CRTC1: variants seen among roughly 807,000 people sequenced by gnomAD.
CRTC1 encodes CREB-regulated transcription coactivator 1.
Under a neutral mutation model 66.1 loss-of-function variants are expected in CRTC1, and 18 were observed. The observed-to-expected ratio is 0.27, with a 90% CI of 0.19 to 0.40. The LOEUF is 0.40. Among genes scored for constraint, CRTC1 ranks in the 10% least tolerant of loss-of-function variants. The pLI is 1.00. For synonymous variants in CRTC1, 416 were observed against 398.8 expected (o/e 1.04, Z -0.51); for missense variants, 669 against 887.9 (o/e 0.75, Z 3.13).
chr19:18,691,522 C>CAAAA (rs60633222), intron 1 of CRTC1, among the ~76,000 whole-genome samples: 6 of 72,660 alleles, frequency 8.3e-5, no homozygotes, highest in East Asian at 4.0e-4. Context: ...CCCTTTTCTC[C>CAAAA]AAAAAAAAAA....
At chr19:18,706,131 G>C (rs1452588878) in intron 1 of CRTC1, among the ~76,000 whole-genome samples, 1 of 125,122 alleles carries the variant, frequency 8.0e-6, no homozygotes, top group Non-Finnish European at 1.6e-5. Flanking sequence ...AAAATCACTT[G>C]ACCATATATG....
intron 5 of CRTC1, among the ~76,000 whole-genome samples, chr19:18,751,788 G>C (rs1166021422): frequency 6.6e-6 from 1 of 152,092 alleles, no homozygotes; most frequent in East Asian, 1.9e-4. Context: ...TGGTGCCGGG[G>C]GCTCAATAAA....
chr19:18,715,124 TC>T (rs2053476875), intron 1 of CRTC1, among the ~76,000 whole-genome samples: 1 of 152,254 alleles, frequency 6.6e-6, no homozygotes, highest in Non-Finnish European at 1.5e-5. Context: ...GGCGGATCCC[TC>T]CTGCCTCTGG....
intron 1 of CRTC1, among the ~76,000 whole-genome samples, chr19:18,738,929 G>T (rs2145712131): frequency 6.6e-6 from 1 of 152,362 alleles, no homozygotes; most frequent in East Asian, 1.9e-4. Context: ...TGAGGGGTCA[G>T]TGGGGAAAGG....
intron 1 of CRTC1, among the ~76,000 whole-genome samples, chr19:18,685,358 A>G (rs1247445569): frequency 1.3e-5 from 2 of 150,458 alleles, no homozygotes; most frequent in African/African-American, 4.9e-5. Context: ...TGAATGAATG[A>G]AAAAAAAATA....
At chr19:18,692,075 C>T (rs1053262384) in intron 1 of CRTC1, among the ~76,000 whole-genome samples, 12 of 152,150 alleles carry the variant, frequency 7.9e-5, no homozygotes, top group African/African-American at 2.4e-4. Flanking sequence ...CACTCCAACC[C>T]CGACCCTGTG....
intron 9 of CRTC1, among the ~76,000 whole-genome samples, chr19:18,766,303 T>A (rs867524036): frequency 1.4e-4 from 21 of 148,130 alleles, no homozygotes; most frequent in African/African-American, 5.3e-4. Context: ...TTTTTTTTTT[T>A]TTTTTTGGTA....
At chr19:18,763,813 G>A (rs996359179) in intron 8 of CRTC1, among the ~76,000 whole-genome samples, 2 of 152,110 alleles carry the variant, frequency 1.3e-5, no homozygotes, top group African/African-American at 2.4e-5. Context: ...TACCGAGCCC[G>A]ACCTCTGCTT....
rs772435081 is a variant in CRTC1 at position 18,768,935 on chromosome 19, G to A, written c.1320+142G>A. 2.7e-5 allele frequency: 29 copies of A among 1,070,224 alleles called. No individual in the cohort carries two copies. The African/African-American group carries it at 3.0e-4, about 11-fold the overall frequency. The allele number at this position is 1,070,224 out of a possible 1,614,324, so 66.3% of individuals were successfully genotyped here. ...ACGCTGCCTGGGCCCACCTCTCCACGGGGCTACCCCTTGGAATCAAACTGA... is the reference window on the plus strand; with the variant it reads ...ACGCTGCCTGGGCCCACCTCTCCACAGGGCTACCCCTTGGAATCAAACTGA... On this transcript the variant is annotated intron_variant, in intron 10 of 13. Transcript: ENST00000321949. The surrounding 1 kb of genome is among the most constrained non-coding windows in gnomAD (Gnocchi z 5.6).
chr19:18,711,886 A>G (rs2053400956), intron 1 of CRTC1, among the ~76,000 whole-genome samples: 1 of 152,210 alleles, frequency 6.6e-6, no homozygotes, highest in Non-Finnish European at 1.5e-5. Flanking sequence ...AACCTTGGGT[A>G]TACTTTTTAT....
At chr19:18,759,955 CG>C in intron 7 of CRTC1, 52 bp from the exon 8 acceptor site, 1 of 1,410,136 alleles carries the variant, frequency 7.1e-7, no homozygotes, top group Non-Finnish European at 9.7e-7. Context: ...CTGTCCCCGC[CG>C]CCAGCCCCGC....
At chr19:18,724,093 G>T (rs1279481128) in intron 1 of CRTC1, among the ~76,000 whole-genome samples, 3 of 152,192 alleles carry the variant, frequency 2.0e-5, no homozygotes, top group African/African-American at 7.2e-5. Flanking sequence ...GACACCGTGA[G>T]CCCAGGCTTG....
At chr19:18,699,402 T>C (rs2053077181) in intron 1 of CRTC1, among the ~76,000 whole-genome samples, 1 of 152,190 alleles carries the variant, frequency 6.6e-6, no homozygotes, top group Admixed American at 6.5e-5. Context: ...CACAGTGTGT[T>C]CCAGGGTCAA....
At chr19:18,707,602 G>A (rs1474139573) in intron 1 of CRTC1, among the ~76,000 whole-genome samples, 1 of 151,134 alleles carries the variant, frequency 6.6e-6, no homozygotes, top group African/African-American at 2.4e-5. Flanking sequence ...ATCCCATATG[G>A]ATTTTAGGGT....
rs773341719 is a variant in CRTC1 at position 18,768,456 on chromosome 19, G to A, written c.1012-29G>A. The A allele has an allele frequency of 7.5e-6, 12 of 1,597,902 alleles. No homozygotes were observed. Among genetic ancestry groups the A allele is most frequent in the South Asian group, 5.5e-5 (5 of 90,360 alleles). ...GGCCAGGCGCTGACAACCAGGGCCC[G>A]CCCTGCCTGACGCTCTCCTCTCCTG... On this transcript the variant is annotated intron_variant, in intron 9 of 13. Coordinates refer to ENST00000321949, the MANE Select transcript of CRTC1 (RefSeq NM_015321.3). The surrounding 1 kb of genome is among the most constrained non-coding windows in gnomAD (Gnocchi z 5.6).
intron 6 of CRTC1, among the ~76,000 whole-genome samples, chr19:18,758,062 T>G (rs1013460267): frequency 6.8e-6 from 1 of 148,016 alleles, no homozygotes; most frequent in Non-Finnish European, 1.5e-5. Context: ...AATTAAACAT[T>G]TTTTTAAAAG....
At position 18,774,198 on chromosome 19, in the gene CRTC1, C is replaced by T. The variant is rs78980788; in HGVS notation, c.1426-702C>T. On this transcript the variant is annotated intron_variant, in intron 11 of 13. Coordinates refer to ENST00000321949, the MANE Select transcript of CRTC1 (RefSeq NM_015321.3). ...TCGCCTCCACACCCCAGCCAGACCT[C>T]ATCCCACCATCTCTTGGGGAGGGGC... is the stretch of plus-strand genomic sequence containing the variant. Among the ~76,000 whole-genome samples the T allele has an allele frequency of 1.0e-3, 159 of 152,336 alleles. 2 individuals are homozygous for T. In the East Asian group the frequency reaches 0.03, roughly 28 times the overall value.
intron 1 of CRTC1, among the ~76,000 whole-genome samples, chr19:18,718,642 CT>C (rs1481520922): frequency 6.6e-6 from 1 of 152,140 alleles, no homozygotes; most frequent in African/African-American, 2.4e-5. Flanking sequence ...CGTGCCCAGC[CT>C]TCATTCCTTT....
In CRTC1 at chr19:18,749,796, C is replaced by A; in HGVS notation, c.459C>A (p.Ser153=). ...DTSWRRTNSD[S]ALHQSTMTPT... ...TCCCCACCAGGACCAATTCTGACTCCGCCCTGCACCAGAGCACAATGACGC... is the reference window on the plus strand; with the variant it reads ...TCCCCACCAGGACCAATTCTGACTCAGCCCTGCACCAGAGCACAATGACGC... The change falls in exon 5 of 14, where the codon TCC becomes TCA. Residue 153 remains serine (S), a synonymous_variant. Coordinates refer to ENST00000321949, the MANE Select transcript of CRTC1 (RefSeq NM_015321.3). 6.2e-7 allele frequency: 1 copy of A among 1,614,024 alleles called. No individual in the cohort carries two copies. The highest frequency in any genetic ancestry group is 8.5e-7 in the Non-Finnish European group (1 of 1,179,946).
Sources: gnomAD v4.1 joint callset for allele counts (sites outside exome capture counted in the v4.1 genomes callset) on GRCh38, gnomAD v4.1.1 for gene constraint, Gnocchi (gnomAD v3.1) non-coding constraint, MANE v1.5 for transcripts, NCBI Gene and HGNC (gene_info 2026-07-23, HGNC 2026-07-21) for gene names.